SNX8: variants seen among roughly 807,000 people sequenced by gnomAD.
SNX8 encodes sorting nexin-8.
A neutral mutation model predicts 51.6 loss-of-function variants in SNX8; 25 were observed. The observed-to-expected ratio is 0.48, with a 90% CI of 0.35 to 0.68. The LOEUF is 0.68. Ranked by LOEUF, SNX8 falls within the 30% of genes least tolerant of loss-of-function variation. SNX8 has a pLI of 0.00. For synonymous variants in SNX8, 324 were observed against 277.0 expected, an observed-to-expected ratio of 1.17 and a Z score of -1.68; for missense variants, 695 against 624.0, an observed-to-expected ratio of 1.11 and a Z score of -1.21.
At chr7:2,297,946 G>T (rs1198408783) in intron 1 of SNX8, among the ~76,000 whole-genome samples, 1 of 151,690 alleles carries the variant, frequency 6.6e-6, no homozygotes, top group African/African-American at 2.4e-5. Flanking sequence ...ACATTATTTT[G>T]GTGACAAGTA....
At chr7:2,332,497 G>A (rs1315733612) in intron 1 of SNX8, among the ~76,000 whole-genome samples, 1 of 152,072 alleles carries the variant, frequency 6.6e-6, no homozygotes, top group Non-Finnish European at 1.5e-5. Flanking sequence ...GCTGACGCCT[G>A]TGATCCAGCA....
chr7:2,304,287 G>A (rs1353083780), intron 1 of SNX8, among the ~76,000 whole-genome samples: 1 of 152,128 alleles, frequency 6.6e-6, no homozygotes. Flanking sequence ...GCTCACGCCT[G>A]GAATCCCAGC....
chr7:2,291,015 G>A (rs1268358992), intron 1 of SNX8, among the ~76,000 whole-genome samples: 2 of 152,220 alleles, frequency 1.3e-5, no homozygotes, highest in East Asian at 3.8e-4. Context: ...CAGTCTTGTA[G>A]CGGGGCACTG....
chr7:2,315,852 A>C (rs1796745882), upstream of SNX8, among the ~76,000 whole-genome samples: 1 of 146,002 alleles, frequency 6.8e-6, no homozygotes, highest in South Asian at 2.2e-4. Flanking sequence ...TCACTCACTC[A>C]CTAACTGCAT....
rs1237662765 is a variant in SNX8 at position 2,292,719 on chromosome 7, G to A, written c.95-14414C>T. 3.3e-5 allele frequency among the ~76,000 whole-genome samples: 5 copies of A among 151,970 alleles called. No homozygotes were observed. The East Asian group carries it at 5.8e-4, about 18-fold the overall frequency. On this transcript the variant is annotated intron_variant, in intron 1 of 10. Transcript: ENST00000222990. The stretch of plus-strand genomic sequence containing the variant: ...AGCCACTGTGCCCGGCCCAGGCAAA[G>A]ACTTCTTAGATATGACACCAAAAGC...
chr7:2,329,259 A>G (rs1778686184), intron 1 of SNX8, among the ~76,000 whole-genome samples: 1 of 151,654 alleles, frequency 6.6e-6, no homozygotes, highest in Non-Finnish European at 1.5e-5. Context: ...CCAGAGCAAG[A>G]GTCCATCTCA....
At chr7:2,333,598 T>C (rs1778776443) in intron 1 of SNX8, among the ~76,000 whole-genome samples, 1 of 152,044 alleles carries the variant, frequency 6.6e-6, no homozygotes, top group African/African-American at 2.4e-5. Context: ...GCAATCAAGA[T>C]AATGTGGTAT....
intron 3 of SNX8, chr7:2,274,909 G>A: frequency 1.8e-6 from 1 of 556,938 alleles, no homozygotes. Context: ...GGTGGGCCAA[G>A]GCTGCCGGGT....
chr7:2,341,008 A>C (rs566581709), intron 1 of SNX8, among the ~76,000 whole-genome samples: 20 of 151,646 alleles, frequency 1.3e-4, no homozygotes, highest in African/African-American at 4.8e-4. Context: ...ACATAGCAAG[A>C]TGCTGTCTCT....
Position 2,278,062 on chromosome 7 carries a change from C to A in SNX8, c.300+38G>T, listed in dbSNP as rs1417878406. On this transcript the variant is annotated intron_variant, in intron 2 of 10. Coordinates refer to ENST00000222990, the MANE Select transcript of SNX8 (RefSeq NM_013321.4). ...GATGTTGAGACGTGACCCTTTCTTC[C>A]CCCTCCTGCCCCGACACACACACAA... 16 of 1,596,992 alleles carry A rather than the reference C, an allele frequency of 1.0e-5. 1 individual carries two copies. In the East Asian group the frequency reaches 3.4e-4, roughly 34 times the overall value.
intron 1 of SNX8, among the ~76,000 whole-genome samples, chr7:2,306,421 T>A (rs1796546335): frequency 6.6e-6 from 1 of 152,184 alleles, no homozygotes; most frequent in South Asian, 2.1e-4. Context: ...CCGGGACAAA[T>A]TTTAATATGG....
intron 1 of SNX8, among the ~76,000 whole-genome samples, chr7:2,350,148 T>C (rs1449398539): frequency 6.6e-6 from 1 of 152,148 alleles, no homozygotes; most frequent in Non-Finnish European, 1.5e-5. Flanking sequence ...GAAATACTTC[T>C]CATTCTGTTA....
chr7:2,289,861 C>T (rs1053695917), intron 1 of SNX8, among the ~76,000 whole-genome samples: 7 of 152,150 alleles, frequency 4.6e-5, no homozygotes, highest in South Asian at 2.1e-4. Context: ...CGAGCCACTA[C>T]GCTCCTGCCT....
rs1433156332 is a variant in SNX8, at chr7:2,331,138, A to G, written c.-66+23084T>C. ...GAGGCGAAAGTTGCAGTGAGCAAAG[A>G]TTGCACTACTGCACTCCAGCCTGGC... is the stretch of plus-strand genomic sequence containing the variant. On this transcript the variant is annotated intron_variant, in intron 1 of 5. Transcript: ENST00000435336. 6.5e-5 allele frequency among the ~76,000 whole-genome samples: 9 copies of G among 139,246 alleles called. No homozygotes were observed. The Admixed American group carries it at 7.3e-4, about 11-fold the overall frequency. The allele number at this position is 139,246 out of a possible 152,430, so 91.4% of individuals were successfully genotyped here. A position where few individuals can be genotyped will look rare whatever the true frequency, so the allele number is the denominator to read the frequency against.
chr7:2,269,667 C>A (rs1795596257), intron 4 of SNX8, 28 bp from the exon 5 acceptor site: 1 of 1,513,000 alleles, frequency 6.6e-7, no homozygotes. Flanking sequence ...ACAGCTTCAC[C>A]CTCTTCTACT....
chr7:2,320,992 T>A (rs1778497651), intron 1 of SNX8, among the ~76,000 whole-genome samples: 1 of 152,112 alleles, frequency 6.6e-6, no homozygotes, highest in African/African-American at 2.4e-5. Flanking sequence ...TGCACTCCAG[T>A]CTGGGTGACA....
chr7:2,351,905 GTTTTT>G (rs748043966), intron 1 of SNX8, among the ~76,000 whole-genome samples: 1 of 88,324 alleles, frequency 1.1e-5, no homozygotes, highest in African/African-American at 3.8e-5. Context: ...GTTGTTGTTG[GTTTTT>G]TTTTTTTTTT....
chr7:2,320,354 A>T (rs6461309), intron 1 of SNX8, among the ~76,000 whole-genome samples: 11,674 of 151,978 alleles, frequency 0.077, 1,181 homozygotes, highest in African/African-American at 0.23. Flanking sequence ...CAGTTGGAAG[A>T]CCCCTGCTCT....
intron 3 of SNX8, among the ~76,000 whole-genome samples, chr7:2,274,466 G>C (rs540827023): frequency 1.2e-3 from 186 of 152,370 alleles, no homozygotes; most frequent in African/African-American, 4.4e-3. Flanking sequence ...GAGACCACCA[G>C]TGAGATCAGA....
Sources: gnomAD v4.1 joint callset for allele counts (sites outside exome capture counted in the v4.1 genomes callset) on GRCh38, gnomAD v4.1.1 for gene constraint, MANE v1.5 for transcripts, NCBI Gene and HGNC (gene_info 2026-07-23, HGNC 2026-07-21) for gene names.